Variants in H2BC5 observed in about 807,000 individuals in gnomAD.
The protein encoded by H2BC5 is H2B clustered histone 5.
Under a neutral mutation model 5.7 loss-of-function variants are expected in H2BC5, and 9 were observed. The ratio of observed to expected loss-of-function variants is 1.57; its 90% CI spans 0.95 to 2.74. H2BC5 has a LOEUF of 2.74. Ranked by LOEUF, H2BC5 falls within the 30% of genes most tolerant of loss-of-function variation. The pLI, the probability that H2BC5 is intolerant of heterozygous loss-of-function variation, is 0.00. For missense variants in H2BC5, 175 were observed against 168.8 expected (o/e 1.04, Z -0.20); for synonymous variants, 133 against 70.9 (o/e 1.88, Z -4.40).
downstream of H2BC5, among the ~76,000 whole-genome samples, chr6:26,159,243 G>GTTTTTTTTTTTTT (rs35999697): frequency 1.6e-5 from 1 of 61,402 alleles, no homozygotes; most frequent in Non-Finnish European, 3.1e-5. Context: ...TAATTTATAG[G>GTTTTTTTTTTTTT]TTTTTTTTTT....
At chr6:26,160,178 T>A (rs1159305370), downstream of H2BC5, among the ~76,000 whole-genome samples, 5 of 152,158 alleles carry the variant, frequency 3.3e-5, no homozygotes, top group Non-Finnish European at 7.4e-5. Flanking sequence ...ATTCATACCA[T>A]AGGGATTCAA....
intron 1 of H2BC5, among the ~76,000 whole-genome samples, chr6:26,169,823 G>A (rs1300435422): frequency 6.6e-6 from 1 of 151,850 alleles, no homozygotes; most frequent in African/African-American, 2.4e-5. Context: ...GCCAGGCATG[G>A]TGGCATGCAC....
At chr6:26,161,561 A>G (rs1324210644), downstream of H2BC5, among the ~76,000 whole-genome samples, 1 of 152,170 alleles carries the variant, frequency 6.6e-6, no homozygotes, top group African/African-American at 2.4e-5. Context: ...GCTTGAGCCC[A>G]GGAGTTGGAG....
chr6:26,160,514 G>GAAAAAAAA (rs34183291), downstream of H2BC5, among the ~76,000 whole-genome samples: 2 of 55,170 alleles, frequency 3.6e-5, no homozygotes, highest in Non-Finnish European at 6.5e-5. Context: ...TCCTGTCTCT[G>GAAAAAAAA]AAAAAAAAAA....
intron 1 of H2BC5, among the ~76,000 whole-genome samples, chr6:26,166,857 T>C (rs1285545141): frequency 1.3e-5 from 2 of 151,506 alleles, no homozygotes; most frequent in Admixed American, 6.6e-5. Context: ...TGCACCACCA[T>C]GTCCAACTAA....
chr6:26,161,758 G>T (rs1298231135), downstream of H2BC5, among the ~76,000 whole-genome samples: 1 of 152,108 alleles, frequency 6.6e-6, no homozygotes, highest in Non-Finnish European at 1.5e-5. Flanking sequence ...GGCAATGAGA[G>T]TGAGACCTTG....
chr6:26,162,392 G>T (rs1764366282), downstream of H2BC5, among the ~76,000 whole-genome samples: 1 of 152,176 alleles, frequency 6.6e-6, no homozygotes, highest in Non-Finnish European at 1.5e-5. Context: ...CAAACAATAT[G>T]TCACATTAGA....
At chr6:26,170,254 G>T (rs1449872264) in intron 1 of H2BC5, among the ~76,000 whole-genome samples, 1 of 152,028 alleles carries the variant, frequency 6.6e-6, no homozygotes, top group East Asian at 1.9e-4. Flanking sequence ...TTTGTTTATT[G>T]TTTGCCTCCC....
chr6:26,167,876 T>A (rs182644288), intron 1 of H2BC5, among the ~76,000 whole-genome samples: 185 of 151,750 alleles, frequency 1.2e-3, no homozygotes, highest in African/African-American at 4.0e-3. Flanking sequence ...GGGTATCATA[T>A]TTATTTATTT....
downstream of H2BC5, among the ~76,000 whole-genome samples, chr6:26,160,534 AAAG>A (rs1764334811): frequency 6.6e-6 from 1 of 150,966 alleles, no homozygotes; most frequent in Non-Finnish European, 1.5e-5. Context: ...AAAAAAAAAA[AAAG>A]CAACAGACAA....
downstream of H2BC5, chr6:26,160,962 C>G (rs1321014039): frequency 6.6e-6 from 1 of 152,036 alleles, no homozygotes; most frequent in African/African-American, 2.4e-5. Context: ...AATCCCAGCA[C>G]TTTGGGAGGC....
intron 1 of H2BC5, among the ~76,000 whole-genome samples, chr6:26,166,615 C>T (rs952587612): frequency 6.6e-6 from 1 of 151,956 alleles, no homozygotes; most frequent in Non-Finnish European, 1.5e-5. Flanking sequence ...AAGAGGAAGC[C>T]CCTTTGGGGC....
downstream of H2BC5, chr6:26,158,645 A>AG (rs1764284732): frequency 3.2e-6 from 5 of 1,542,076 alleles, no homozygotes; most frequent in East Asian, 6.8e-5. Context: ...TTCATTCAAA[A>AG]GGGGGGTTAT....
downstream of H2BC5, among the ~76,000 whole-genome samples, chr6:26,158,813 A>G (rs1047138048): frequency 6.6e-6 from 1 of 152,122 alleles, no homozygotes; most frequent in East Asian, 1.9e-4. Context: ...ACTAGCATAA[A>G]CTGAAAGTAT....
At position 26,167,449 on chromosome 6, in the gene H2BC5, C is replaced by T. The variant is rs73736553; in HGVS notation, c.*10-3526C>T. On this transcript the variant is annotated intron_variant, in intron 1 of 1. Transcript: ENST00000289316. ...CCATCAGCCCTCCCCCAGCCTAGAC[C>T]GCTGGGGCTCAGATAGAGGTGCTAA... 7.3e-3 allele frequency among the ~76,000 whole-genome samples: 1,115 copies of T among 152,268 alleles called. 14 individuals are homozygous for T. Among genetic ancestry groups the T allele is most frequent in the African/African-American group, 0.021 (877 of 41,534 alleles).
chr6:26,163,948 T>C (rs554378698), intron 1 of H2BC5: 1 of 258,924 alleles, frequency 3.9e-6, no homozygotes, highest in Admixed American at 4.4e-5. Flanking sequence ...GCACATGTTA[T>C]TCAATATAAA....
chr6:26,169,695 A>G (rs976232070), intron 1 of H2BC5, among the ~76,000 whole-genome samples: 2 of 152,138 alleles, frequency 1.3e-5, no homozygotes, highest in African/African-American at 4.8e-5. Flanking sequence ...GGGAGGGGCC[A>G]GGTGCAGTGG....
chr6:26,158,368 G>A lies in H2BC5; in HGVS notation c.199G>A (p.Val67Ile), dbSNP rs2113831179. 6.2e-7 allele frequency: 1 copy of A among 1,614,238 alleles called. No individual in the cohort carries two copies. Residue 67 changes from valine (V) to isoleucine (I), a missense_variant, in exon 1 of 1, where the codon GTC (valine) becomes ATC (isoleucine). Physicochemically the swap from Val to Ile is conservative, Grantham distance 29. Transcript: ENST00000377777. ...GGCAATGGGGATCATGAATTCCTTC[G>A]TCAACGACATCTTCGAGCGCATCGC... The part of the protein sequence containing the change: ...SKAMGIMNSF[V>I]NDIFERIAGE...
At position 26,158,364 on chromosome 6, in the gene H2BC5, C is replaced by T. The variant is rs747420309; in HGVS notation, c.195C>T (p.Ser65=). The T allele has an allele frequency of 3.7e-6, 6 of 1,614,280 alleles. No individual in the cohort carries two copies. The highest frequency in any genetic ancestry group is 2.2e-5 in the East Asian group (1 of 44,892). The change falls in exon 1 of 1, where the codon TCC becomes TCT. Residue 65 remains serine (S), a synonymous_variant. Coordinates refer to ENST00000377777, the MANE Select transcript of H2BC5 (RefSeq NM_021063.4). The part of the protein sequence containing the change: ...ISSKAMGIMN[S]FVNDIFERIA... ...CCAAGGCAATGGGGATCATGAATTC[C>T]TTCGTCAACGACATCTTCGAGCGCA...
Sources: gnomAD v4.1 joint callset for allele counts (sites outside exome capture counted in the v4.1 genomes callset) on GRCh38, gnomAD v4.1.1 for gene constraint, MANE v1.5 for transcripts, NCBI Gene and HGNC (gene_info 2026-07-23, HGNC 2026-07-21) for gene names.